TRAK1: variants seen among roughly 807,000 people sequenced by gnomAD.
The protein encoded by TRAK1 is trafficking kinesin protein 1.
TRAK1 carries 33 observed loss-of-function variants against 92.1 expected under a neutral mutation model. That is an observed-to-expected ratio of 0.36 (90% CI 0.27 to 0.48). TRAK1 has a LOEUF of 0.48. Ranked by LOEUF, TRAK1 falls within the 20% of genes least tolerant of loss-of-function variation. TRAK1 has a pLI of 0.99. For missense variants in TRAK1, 1,123 were observed against 1,257.9 expected, an observed-to-expected ratio of 0.89 and a Z score of 1.62; for synonymous variants, 521 against 517.3, an observed-to-expected ratio of 1.01 and a Z score of -0.10.
chr3:42,067,633 A>G (rs1175835554), intron 1 of TRAK1, among the ~76,000 whole-genome samples: 1 of 151,880 alleles, frequency 6.6e-6, no homozygotes, highest in East Asian at 1.9e-4. Context: ...TTGCAGATTA[A>G]TTTCAGAAGT....
At chr3:42,014,403 T>C (rs578199194) in intron 1 of TRAK1, among the ~76,000 whole-genome samples, 299 of 152,234 alleles carry the variant, frequency 2.0e-3, no homozygotes, top group Non-Finnish European at 3.3e-3. Context: ...AGCCTGGAGC[T>C]GAGCGCGGGC....
chr3:42,209,298 A>G lies in TRAK1; in HGVS notation c.1745-469A>G, dbSNP rs566026806. ...CTGTTGGTCGTGGGCTTGGTTTGAC[A>G]TGATCTTATTCTGCCTGAGCTTATG... On this transcript the variant is annotated intron_variant, in intron 13 of 15. Transcript: ENST00000327628. Among the ~76,000 whole-genome samples the G allele has an allele frequency of 2.6e-4, 39 of 151,848 alleles. No individual in the cohort carries two copies. The South Asian group carries it at 2.9e-3, about 11-fold the overall frequency.
chr3:42,170,067 T>G (rs1466938107), intron 2 of TRAK1, among the ~76,000 whole-genome samples: 1 of 150,560 alleles, frequency 6.6e-6, no homozygotes, highest in Non-Finnish European at 1.5e-5. Context: ...TGGTGAAGAG[T>G]GAGCTTGGGT....
At chr3:42,087,982 A>G (rs1317980918), upstream of TRAK1, among the ~76,000 whole-genome samples, 1 of 152,220 alleles carries the variant, frequency 6.6e-6, no homozygotes, top group Non-Finnish European at 1.5e-5. Context: ...ATTTTCCCCA[A>G]GGAAGCATTG....
chr3:42,132,251 T>G (rs1409128303), intron 2 of TRAK1, among the ~76,000 whole-genome samples: 2 of 151,916 alleles, frequency 1.3e-5, no homozygotes, highest in African/African-American at 4.8e-5. Flanking sequence ...TTTGTTTTTT[T>G]TTTTTTGTTT....
chr3:42,147,880 C>T (rs948934681), intron 2 of TRAK1, among the ~76,000 whole-genome samples: 36 of 152,150 alleles, frequency 2.4e-4, no homozygotes, highest in African/African-American at 8.2e-4. Context: ...GGCTCTTCAG[C>T]TTCCAGTGAT....
chr3:42,051,717 T>A (rs1159471869), intron 1 of TRAK1: 2 of 152,236 alleles, frequency 1.3e-5, no homozygotes, highest in East Asian at 3.8e-4. Flanking sequence ...TCAGAGGAGA[T>A]GGCTAGCCCT....
intron 1 of TRAK1, among the ~76,000 whole-genome samples, chr3:42,106,881 T>G (rs566339284): frequency 6.6e-6 from 1 of 152,248 alleles, no homozygotes; most frequent in Non-Finnish European, 1.5e-5. Context: ...CAGAATTTCC[T>G]GTTCAGGAAA....
chr3:42,044,435 T>C (rs1702679111), intron 1 of TRAK1, among the ~76,000 whole-genome samples: 1 of 152,232 alleles, frequency 6.6e-6, no homozygotes, highest in South Asian at 2.1e-4. Context: ...GTGCTGGGAA[T>C]ACAGAAGTGA....
At chr3:42,058,796 G>A (rs757964598) in intron 1 of TRAK1, among the ~76,000 whole-genome samples, 29 of 152,212 alleles carry the variant, frequency 1.9e-4, no homozygotes, top group Admixed American at 5.2e-4. Context: ...CGTAAGATAC[G>A]CCATTGCTTT....
rs1362332005 is a variant in TRAK1, at chr3:42,193,189, A to G, written c.884A>G (p.Gln295Arg). 6.2e-7 allele frequency: 1 copy of G among 1,614,136 alleles called. No individual in the cohort carries two copies. Among genetic ancestry groups the G allele is most frequent in the Non-Finnish European group, 8.5e-7 (1 of 1,179,978 alleles). ...THLLSQIVDLQKKAKACAVEN... is the reference protein window; with the variant it reads ...THLLSQIVDLRKKAKACAVEN... The stretch of plus-strand genomic sequence containing the variant: ...CTGCTATCGCAAATAGTTGATTTGC[A>G]GAAAAAGGCAAAAGCTGTAAGGCTT... Residue 295 changes from glutamine (Q) to arginine (R), a missense_variant, in exon 8 of 16, where the codon CAG becomes CGG. By Grantham distance (43) the Gln-to-Arg change is conservative. Transcript: ENST00000327628.
rs1268414632 is a variant in TRAK1, at chr3:42,110,037, A to G, written c.92-15383A>G. On this transcript the variant is annotated intron_variant, in intron 1 of 15. Coordinates refer to ENST00000327628, the MANE Select transcript of TRAK1 (RefSeq NM_001042646.3). ...AATGGGTGCAGCACACCAACATGGCACATGTATACATATGTAGCAAACCTG... is the reference window on the plus strand; with the variant it reads ...AATGGGTGCAGCACACCAACATGGCGCATGTATACATATGTAGCAAACCTG... Among the ~76,000 whole-genome samples the G allele has an allele frequency of 1.0e-4, 15 of 145,848 alleles. No individual in the cohort carries two copies. The East Asian group carries it at 2.8e-3, about 28-fold the overall frequency.
intron 1 of TRAK1, among the ~76,000 whole-genome samples, chr3:42,110,071 G>A (rs1464186853): frequency 7.8e-6 from 1 of 127,984 alleles, no homozygotes; most frequent in Non-Finnish European, 1.6e-5. Flanking sequence ...TGCACGTTGT[G>A]CACATGTACC....
chr3:42,021,365 G>A (rs916265277), intron 1 of TRAK1, among the ~76,000 whole-genome samples: 2 of 152,144 alleles, frequency 1.3e-5, no homozygotes, highest in Non-Finnish European at 1.5e-5. Context: ...ATTGCTTTAT[G>A]TACCTGAGTG....
intron 1 of TRAK1, among the ~76,000 whole-genome samples, chr3:42,070,103 T>G (rs1703853305): frequency 6.6e-6 from 1 of 151,984 alleles, no homozygotes; most frequent in Non-Finnish European, 1.5e-5. Context: ...CTGCCCGCCT[T>G]GGCCCCACAA....
At chr3:42,035,824 G>A (rs930152018) in intron 1 of TRAK1, among the ~76,000 whole-genome samples, 6 of 152,192 alleles carry the variant, frequency 3.9e-5, no homozygotes, top group East Asian at 1.9e-4. Flanking sequence ...CTAATGGGCC[G>A]TGCTTCTCCC....
chr3:42,032,743 A>G (rs1182394088), intron 1 of TRAK1, among the ~76,000 whole-genome samples: 2 of 152,142 alleles, frequency 1.3e-5, no homozygotes, highest in African/African-American at 4.8e-5. Context: ...TCTTATAATG[A>G]AACTATGTTG....
intron 1 of TRAK1, among the ~76,000 whole-genome samples, chr3:42,068,366 A>G (rs1003575907): frequency 1.3e-5 from 2 of 152,032 alleles, no homozygotes; most frequent in African/African-American, 4.8e-5. Context: ...GAGTTTCACT[A>G]TGTTGCCCAG....
Position 42,173,912 on chromosome 3 carries a change from C to T in TRAK1, c.287-2902C>T, listed in dbSNP as rs933405909. On this transcript the variant is annotated intron_variant, in intron 2 of 15. Transcript: ENST00000327628. The stretch of plus-strand genomic sequence containing the variant: ...CGAGAGTCTGTTATTTTGACATTTG[C>T]CACCTGCTAGCTGTGTGACATTGGG... Among the ~76,000 whole-genome samples, 3 of 152,150 alleles carry T rather than the reference C, an allele frequency of 2.0e-5. No homozygotes were observed. The East Asian group carries it at 5.8e-4, about 29-fold the overall frequency.
Sources: allele counts gnomAD v4.1 joint callset (sites outside exome capture counted in the v4.1 genomes callset), GRCh38; gene constraint gnomAD v4.1.1; transcripts MANE v1.5; gene names NCBI Gene and HGNC (gene_info 2026-07-23, HGNC 2026-07-21).